Variants in CCDC27 observed in about 807,000 individuals in gnomAD.
CCDC27 encodes coiled-coil domain-containing protein 27.
A neutral mutation model predicts 80.3 loss-of-function variants in CCDC27; 80 were observed. The observed-to-expected ratio is 1.00, with a 90% CI of 0.83 to 1.20. CCDC27 has a LOEUF of 1.20. Ranked by LOEUF, CCDC27 falls within the 50% of genes most tolerant of loss-of-function variation. The pLI is 0.00. For synonymous variants in CCDC27, 342 were observed against 334.3 expected, an observed-to-expected ratio of 1.02 and a Z score of -0.25; for missense variants, 815 against 809.4, an observed-to-expected ratio of 1.01 and a Z score of -0.08.
rs747307489 is a variant in CCDC27, at chr1:3,767,461, C to T, written c.1743+16C>T. ...CCAGTCCAGGGTATGCCCAGCCCTT[C>T]CTCCTGAGGGTCTGTCCCAGCAGCT... On this transcript the variant is annotated intron_variant, in intron 10 of 11. Transcript: ENST00000294600. The T allele has an allele frequency of 9.4e-6, 15 of 1,598,358 alleles. No homozygotes were observed. Among genetic ancestry groups the T allele is most frequent in the Non-Finnish European group, 1.2e-5 (14 of 1,171,708 alleles).
At chr1:3,757,099 G>A (rs567492488) in intron 4 of CCDC27, 24 of 511,170 alleles carry the variant, frequency 4.7e-5, no homozygotes, top group African/African-American at 3.1e-4. Context: ...TGGCAGTTAC[G>A]CCGGCATGGA....
In CCDC27 at chr1:3,754,207, G is replaced by T. The variant is rs776467371; in HGVS notation, c.408G>T (p.Gln136His). 10 of 1,613,148 alleles carry T rather than the reference G, an allele frequency of 6.2e-6. No homozygotes were observed. The highest frequency in any genetic ancestry group is 8.5e-6 in the Non-Finnish European group (10 of 1,179,638). The change falls in exon 2 of 12, where the codon CAG becomes CAT. Residue 136 changes from glutamine (Q) to histidine (H), a missense_variant. Transcript: ENST00000294600. ...RVFPTHPDCP[Q>H]FSTRATSMSH... ...TCCCCACGCATCCTGACTGCCCCCA[G>T]TTCAGCACCAGGGCCACATCCATGT...
intron 10 of CCDC27, 113 bp downstream of exon 10, chr1:3,767,558 G>T: frequency 2.3e-6 from 2 of 867,164 alleles, no homozygotes; most frequent in Non-Finnish European, 3.6e-6. Context: ...GCTGGGGCTC[G>T]GGCTGGTTCT....
chr1:3,753,309 T>G (rs1042701253), intron 1 of CCDC27, among the ~76,000 whole-genome samples: 1 of 115,604 alleles, frequency 8.7e-6, no homozygotes, highest in African/African-American at 3.1e-5. Flanking sequence ...ATGGTTTCTT[T>G]TTTTCTTTTT....
Position 3,760,200 on chromosome 1 carries a change from C to T in CCDC27, c.712-1081C>T, listed in dbSNP as rs1189087399. Among the ~76,000 whole-genome samples, 2 of 152,106 alleles carry T rather than the reference C, an allele frequency of 1.3e-5. No individual in the cohort carries two copies. Among genetic ancestry groups the T allele is most frequent in the Non-Finnish European group, 2.9e-5 (2 of 68,020 alleles). ...TGGGTGATGAAATGTGATTTCTGCACTTTTTTTTCCCTTTAACTTTGTATT... is the reference window on the plus strand; with the variant it reads ...TGGGTGATGAAATGTGATTTCTGCATTTTTTTTTCCCTTTAACTTTGTATT... On this transcript the variant is annotated intron_variant, in intron 4 of 11. Transcript: ENST00000294600. This position sits in a 1 kb window ranked among gnomAD's most constrained non-coding sequence, Gnocchi z 4.3.
Position 3,766,823 on chromosome 1 carries a change from A to G in CCDC27, c.1530+211A>G, listed in dbSNP as rs1210081259. ...CCAGACTGGACTGGAGGGACCCAGC[A>G]AGCGTTCCCAGTCCTTTTTTTTTTT... On this transcript the variant is annotated intron_variant, in intron 9 of 11. Coordinates refer to ENST00000294600, the MANE Select transcript of CCDC27 (RefSeq NM_152492.3). The surrounding 1 kb of genome is among the most constrained non-coding windows in gnomAD (Gnocchi z 6.1). Among the ~76,000 whole-genome samples the G allele has an allele frequency of 3.3e-5, 5 of 149,900 alleles. No homozygotes were observed. Among genetic ancestry groups the G allele is most frequent in the Admixed American group, 2.7e-4 (4 of 15,030 alleles).
chr1:3,769,633 G>T lies in CCDC27; in HGVS notation c.1744-150G>T, dbSNP rs375604049. 3.1e-6 allele frequency: 2 copies of T among 643,460 alleles called. No homozygotes were observed. The highest frequency in any genetic ancestry group is 2.8e-6 in the Non-Finnish European group (1 of 353,640). 39.9% of individuals were successfully genotyped at this position (643,460 alleles called of 1,614,324 possible). A position where few individuals can be genotyped will look rare whatever the true frequency, so the allele number is the denominator to read the frequency against. Reference sequence around the variant, plus strand: ...TCAGACAATCCACATTGACTTCTCTGACACCTGTTTCCAGTTTCTAAAGCC... The same window carrying T: ...TCAGACAATCCACATTGACTTCTCTTACACCTGTTTCCAGTTTCTAAAGCC... On this transcript the variant is annotated intron_variant, in intron 10 of 11. Coordinates refer to ENST00000294600, the MANE Select transcript of CCDC27 (RefSeq NM_152492.3). This position sits in a 1 kb window ranked among gnomAD's most constrained non-coding sequence, Gnocchi z 4.6.
rs1023244506 is a variant in CCDC27, at chr1:3,769,398, C to A, written c.1744-385C>A. On this transcript the variant is annotated intron_variant, in intron 10 of 11. Coordinates refer to ENST00000294600, the MANE Select transcript of CCDC27 (RefSeq NM_152492.3). The surrounding 1 kb of genome is among the most constrained non-coding windows in gnomAD (Gnocchi z 4.6). ...GAGTGTCCCCAAGGGCCAGGAAGTC[C>A]GCTCACTGCAGCTCCCCTGGGCAGT... Among the ~76,000 whole-genome samples, 12 of 152,174 alleles carry A rather than the reference C, an allele frequency of 7.9e-5. No homozygotes were observed. The highest frequency in any genetic ancestry group is 1.9e-4 in the East Asian group (1 of 5,200).
chr1:3,755,123 C>T (rs1321363173), intron 2 of CCDC27, among the ~76,000 whole-genome samples: 2 of 152,218 alleles, frequency 1.3e-5, no homozygotes, highest in East Asian at 3.9e-4. Context: ...ACAGGGTCTG[C>T]CTTGGATGGG....
chr1:3,762,810 C>A, intron 6 of CCDC27, 98 bp downstream of exon 6: 1 of 1,187,766 alleles, frequency 8.4e-7, no homozygotes, highest in Non-Finnish European at 1.2e-6. Flanking sequence ...AGTGTCCCTG[C>A]TGCAGCCCTG....
chr1:3,770,805 G>A (rs1462678102), intron 11 of CCDC27, among the ~76,000 whole-genome samples: 1 of 133,278 alleles, frequency 7.5e-6, no homozygotes, highest in Non-Finnish European at 1.6e-5. Flanking sequence ...GGGGAGGGGA[G>A]GAGGAAGGGG....
Position 3,761,370 on chromosome 1 carries a change from G to T in CCDC27, c.801G>T (p.Met267Ile), listed in dbSNP as rs565682717. The change falls in exon 5 of 12, where the codon ATG (methionine) becomes ATT (isoleucine). Residue 267 changes from methionine to isoleucine, a missense_variant. Transcript: ENST00000294600. The surrounding 1 kb of genome is among the most constrained non-coding windows in gnomAD (Gnocchi z 5.0). ...LLQEEREALK[M>I]QLKCLLKGKG... The stretch of plus-strand genomic sequence containing the variant: ...AGGAGGAGAGGGAGGCCCTGAAGAT[G>T]CAGCTGAAATGCCTTCTGAAAGGCA... The T allele has an allele frequency of 6.2e-7, 1 of 1,614,152 alleles. No homozygotes were observed. The highest frequency in any genetic ancestry group is 8.5e-7 in the Non-Finnish European group (1 of 1,180,022).
At chr1:3,762,225 C>T (rs528353567) in intron 5 of CCDC27, among the ~76,000 whole-genome samples, 8 of 152,308 alleles carry the variant, frequency 5.3e-5, no homozygotes, top group African/African-American at 1.7e-4. Flanking sequence ...TGCCTAGACA[C>T]ACAGGGCGGG....
chr1:3,767,585 T>C, intron 10 of CCDC27, 140 bp downstream of exon 10: 1 of 675,072 alleles, frequency 1.5e-6, no homozygotes, highest in Non-Finnish European at 2.5e-6. Context: ...TACACCAGCA[T>C]CCACACAGAG....
At position 3,771,586 on chromosome 1, in the gene CCDC27, C is replaced by T; in HGVS notation, c.*63C>T. The T allele has an allele frequency of 6.4e-7, 1 of 1,569,264 alleles. No individual in the cohort carries two copies. The highest frequency in any genetic ancestry group is 1.1e-5 in the South Asian group (1 of 88,458). ...GGCCGGGGCCCAGCTCCAGAACCAC[C>T]CGCCCCCACCATGCGTCCTGCTCTC... On this transcript the variant is annotated 3_prime_UTR_variant, in exon 12 of 12. Transcript: ENST00000294600.
At position 3,768,094 on chromosome 1, in the gene CCDC27, T is replaced by TA. The variant is rs1643276883; in HGVS notation, c.1743+649_1743+650insA. 6.7e-6 allele frequency among the ~76,000 whole-genome samples: 1 copy of TA among 149,334 alleles called. No homozygotes were observed. ...AAATCAATAAAGAGCTGACCTTTTT[T>TA]TTTTTTTTTTTTTTTTCTGAGACAG... is the stretch of plus-strand genomic sequence containing the variant. On this transcript the variant is annotated intron_variant, in intron 10 of 11. Coordinates refer to ENST00000294600, the MANE Select transcript of CCDC27 (RefSeq NM_152492.3). The surrounding 1 kb of genome is among the most constrained non-coding windows in gnomAD (Gnocchi z 5.6).
At chr1:3,757,632 G>A (rs1251992985) in intron 4 of CCDC27, among the ~76,000 whole-genome samples, 7 of 152,034 alleles carry the variant, frequency 4.6e-5, no homozygotes, top group African/African-American at 1.7e-4. Context: ...GTAGAAATGG[G>A]GTTTCCCCGG....
rs763109359 is a variant in CCDC27, at chr1:3,761,233, G to C, written c.712-48G>C. 6.3e-7 allele frequency: 1 copy of C among 1,599,216 alleles called. No individual in the cohort carries two copies. The highest frequency in any genetic ancestry group is 1.3e-5 in the African/African-American group (1 of 74,694). On this transcript the variant is annotated intron_variant, in intron 4 of 11. Coordinates refer to ENST00000294600, the MANE Select transcript of CCDC27 (RefSeq NM_152492.3). This position sits in a 1 kb window ranked among gnomAD's most constrained non-coding sequence, Gnocchi z 5.0. ...GGGCTGGAGGCAGGTCAGGGGAAGA[G>C]TGTGTGGCTGCATGGCCCACGGGGG...
intron 8 of CCDC27, among the ~76,000 whole-genome samples, chr1:3,765,438 C>T (rs968112778): frequency 4.6e-5 from 7 of 152,208 alleles, no homozygotes; most frequent in African/African-American, 1.7e-4. Flanking sequence ...TTCTCTCACA[C>T]TATTGGACCT....
Sources: gnomAD v4.1 joint callset for allele counts (sites outside exome capture counted in the v4.1 genomes callset) on GRCh38, gnomAD v4.1.1 for gene constraint, Gnocchi (gnomAD v3.1) non-coding constraint, MANE v1.5 for transcripts, NCBI Gene and HGNC (gene_info 2026-07-23, HGNC 2026-07-21) for gene names.